Variants in GALNTL6 observed in about 807,000 individuals in gnomAD.
GALNTL6 encodes polypeptide N-acetylgalactosaminyltransferase-like 6.
Under a neutral mutation model 73.7 loss-of-function variants are expected in GALNTL6, and 46 were observed. The observed-to-expected ratio is 0.62, with a 90% confidence interval of 0.49 to 0.80. The LOEUF (loss-of-function observed/expected upper bound fraction) is 0.80. GALNTL6 is among the 30% of genes least tolerant of loss of function. The probability of loss-of-function intolerance (pLI) is 0.00; values close to 1 mark genes in which losing one functional copy is unlikely to be tolerated. For synonymous variants in GALNTL6, 259 were observed against 263.7 expected, an observed-to-expected ratio of 0.98 and a Z score of 0.17; for missense variants, 604 against 755.0, an observed-to-expected ratio of 0.80 and a Z score of 2.34.
At chr4:172,423,041 G>T (rs1298896204) in intron 5 of GALNTL6, among the ~76,000 whole-genome samples, 1 of 151,570 alleles carries the variant, frequency 6.6e-6, no homozygotes, top group East Asian at 2.0e-4. Context: ...CTATACTTTG[G>T]TATTCTACAT....
intron 2 of GALNTL6, among the ~76,000 whole-genome samples, chr4:172,151,646 G>C (rs1579187470): frequency 6.6e-6 from 1 of 152,094 alleles, no homozygotes; most frequent in Non-Finnish European, 1.5e-5. Context: ...GTTGAAAGAA[G>C]ATTTTGAAAA....
At chr4:171,947,100 A>T (rs1210158796) in intron 2 of GALNTL6, among the ~76,000 whole-genome samples, 1 of 152,090 alleles carries the variant, frequency 6.6e-6, no homozygotes, top group Non-Finnish European at 1.5e-5. Context: ...ATACTTTCTT[A>T]CATATAAGTA....
intron 2 of GALNTL6, among the ~76,000 whole-genome samples, chr4:172,206,678 G>A (rs1736120087): frequency 6.6e-6 from 1 of 152,082 alleles, no homozygotes; most frequent in Middle Eastern, 3.4e-3. Context: ...CGCAGCAGGG[G>A]AAAGAACATT....
intron 5 of GALNTL6, among the ~76,000 whole-genome samples, chr4:172,651,804 G>A (rs960822752): frequency 1.3e-5 from 2 of 152,180 alleles, no homozygotes; most frequent in Non-Finnish European, 2.9e-5. Context: ...AAATTTGCAT[G>A]TCTCAATCTT....
chr4:172,725,690 C>T (rs1437100232), intron 5 of GALNTL6, among the ~76,000 whole-genome samples: 4 of 152,104 alleles, frequency 2.6e-5, no homozygotes, highest in Non-Finnish European at 1.5e-5. Context: ...AACAATCTTG[C>T]GTTCTGCTTT....
At chr4:171,868,532 A>G (rs958993943) in intron 2 of GALNTL6, among the ~76,000 whole-genome samples, 2 of 152,194 alleles carry the variant, frequency 1.3e-5, no homozygotes, top group African/African-American at 4.8e-5. Flanking sequence ...ACTTGACACA[A>G]ATATCCAGCA....
chr4:172,146,064 C>A (rs1278103524), intron 2 of GALNTL6, among the ~76,000 whole-genome samples: 2 of 152,148 alleles, frequency 1.3e-5, no homozygotes, highest in Admixed American at 1.3e-4. Flanking sequence ...ATATTTCTAT[C>A]CCTAAAACAA....
chr4:173,016,183 G>A (rs1343350581), intron 11 of GALNTL6, among the ~76,000 whole-genome samples: 3 of 152,216 alleles, frequency 2.0e-5, no homozygotes, highest in South Asian at 4.1e-4. Flanking sequence ...CTATAGTGGT[G>A]GGATCCTCTT....
At chr4:172,962,262 G>A (rs368327776) in intron 10 of GALNTL6, among the ~76,000 whole-genome samples, 25 of 152,320 alleles carry the variant, frequency 1.6e-4, no homozygotes, top group African/African-American at 5.5e-4. Flanking sequence ...GGATGTGTAC[G>A]TGCAGGTCAC....
At chr4:172,993,919 T>C (rs1285079096) in intron 10 of GALNTL6, among the ~76,000 whole-genome samples, 1 of 152,124 alleles carries the variant, frequency 6.6e-6, no homozygotes, top group Non-Finnish European at 1.5e-5. Flanking sequence ...AGAAACTCCA[T>C]CTCAAAAACA....
chr4:171,975,086 T>C (rs1739679488), intron 2 of GALNTL6, among the ~76,000 whole-genome samples: 1 of 152,182 alleles, frequency 6.6e-6, no homozygotes, highest in Non-Finnish European at 1.5e-5. Flanking sequence ...CGTTTCTACC[T>C]GTAATGCATA....
chr4:173,000,296 A>G (rs1341743863), intron 10 of GALNTL6, among the ~76,000 whole-genome samples: 1 of 152,220 alleles, frequency 6.6e-6, no homozygotes. Context: ...GAATATGTGC[A>G]TTTAACCACT....
intron 2 of GALNTL6, among the ~76,000 whole-genome samples, chr4:172,048,871 T>C (rs149526398): frequency 7.0e-4 from 107 of 152,306 alleles, no homozygotes; most frequent in Non-Finnish European, 1.3e-3. Context: ...AGACTTAATG[T>C]ATTTTGGCTG....
At chr4:172,593,904 T>C (rs1737751038) in intron 5 of GALNTL6, among the ~76,000 whole-genome samples, 1 of 152,096 alleles carries the variant, frequency 6.6e-6, no homozygotes. Context: ...TAATTTTGTA[T>C]TTTTAGTAGA....
intron 11 of GALNTL6, among the ~76,000 whole-genome samples, chr4:173,014,174 G>A (rs1412486284): frequency 6.6e-6 from 1 of 152,228 alleles, no homozygotes; most frequent in Non-Finnish European, 1.5e-5. Flanking sequence ...GGTGACTAAC[G>A]TGGTTTCTGT....
intron 2 of GALNTL6, among the ~76,000 whole-genome samples, chr4:172,200,907 A>G (rs1735929860): frequency 6.6e-6 from 1 of 152,358 alleles, no homozygotes; most frequent in African/African-American, 2.4e-5. Context: ...TATCACTTTA[A>G]AAAGAGCTTA....
chr4:172,217,403 A>T (rs1321456359), intron 2 of GALNTL6, among the ~76,000 whole-genome samples: 1 of 152,214 alleles, frequency 6.6e-6, no homozygotes, highest in East Asian at 1.9e-4. Flanking sequence ...ATGACTGTCC[A>T]AACCCCTTAG....
At chr4:172,101,786 C>T (rs1039750959) in intron 2 of GALNTL6, among the ~76,000 whole-genome samples, 1 of 151,810 alleles carries the variant, frequency 6.6e-6, no homozygotes, top group Non-Finnish European at 1.5e-5. Flanking sequence ...TATATATTGG[C>T]TGATGATTAA....
At chr4:172,836,211 A>G (rs1000571729) in intron 7 of GALNTL6, among the ~76,000 whole-genome samples, 4 of 152,202 alleles carry the variant, frequency 2.6e-5, no homozygotes, top group African/African-American at 7.2e-5. Flanking sequence ...TCTTGCTTCT[A>G]CAATAGCAGG....
Sources: gnomAD v4.1 joint callset for allele counts (sites outside exome capture counted in the v4.1 genomes callset) on GRCh38, gnomAD v4.1.1 for gene constraint, MANE v1.5 for transcripts, NCBI Gene and HGNC (gene_info 2026-07-23, HGNC 2026-07-21) for gene names.